The following CDC42BPA variants were observed in gnomAD, a reference collection of about 807,000 sequenced individuals.
The protein encoded by CDC42BPA is CDC42 binding protein kinase alpha.
A neutral mutation model predicts 223.5 loss-of-function variants in CDC42BPA; 80 were observed. That is an observed-to-expected ratio of 0.36 (90% confidence interval 0.30 to 0.43). The LOEUF (loss-of-function observed/expected upper bound fraction) is 0.43. CDC42BPA is among the 20% of genes least tolerant of loss of function. The probability of loss-of-function intolerance (pLI) is 1.00; values close to 1 mark genes in which losing one functional copy is unlikely to be tolerated. For synonymous variants in CDC42BPA, 694 were observed against 718.6 expected, an observed-to-expected ratio of 0.97 and a Z score of 0.55; for missense variants, 1,743 against 2,099.9, an observed-to-expected ratio of 0.83 and a Z score of 3.32.
At chr1:227,010,286 T>C (rs1425062858) in intron 34 of CDC42BPA, among the ~76,000 whole-genome samples, 10 of 152,232 alleles carry the variant, frequency 6.6e-5, no homozygotes, top group Admixed American at 5.9e-4. Context: ...TGGATCCTGG[T>C]TGGAATTACA....
At chr1:227,130,676 G>A (rs1047810724) in intron 10 of CDC42BPA, among the ~76,000 whole-genome samples, 3 of 152,088 alleles carry the variant, frequency 2.0e-5, no homozygotes, top group Non-Finnish European at 4.4e-5. Flanking sequence ...CCAACATGGT[G>A]AAACCCCGTC....
intron 1 of CDC42BPA, among the ~76,000 whole-genome samples, chr1:227,282,275 G>T (rs567842803): frequency 6.6e-6 from 1 of 151,832 alleles, no homozygotes; most frequent in Admixed American, 6.6e-5. Context: ...TATTCTTAGG[G>T]TGAGAACAGA....
At chr1:227,197,302 A>G (rs959650225) in intron 4 of CDC42BPA, among the ~76,000 whole-genome samples, 4 of 152,136 alleles carry the variant, frequency 2.6e-5, no homozygotes, top group Non-Finnish European at 4.4e-5. Flanking sequence ...ATAAATGTTC[A>G]AAAGGCAACC....
At chr1:227,161,023 T>A (rs978641591) in intron 5 of CDC42BPA, among the ~76,000 whole-genome samples, 2 of 152,106 alleles carry the variant, frequency 1.3e-5, no homozygotes, top group African/African-American at 4.8e-5. Flanking sequence ...CAGGGAAAAA[T>A]ATACTTTCTA....
chr1:227,220,173 G>A (rs1055940380), intron 2 of CDC42BPA, among the ~76,000 whole-genome samples: 6 of 151,606 alleles, frequency 4.0e-5, no homozygotes, highest in Non-Finnish European at 7.4e-5. Context: ...GGACAGTAGA[G>A]CAAATTTGGC....
intron 1 of CDC42BPA, among the ~76,000 whole-genome samples, chr1:227,309,203 CAAAAAA>C (rs35336462): frequency 7.7e-6 from 1 of 130,042 alleles, no homozygotes; most frequent in Non-Finnish European, 1.6e-5. Context: ...CTATCTCTAC[CAAAAAA>C]AAAAAAAAAA....
intron 23 of CDC42BPA, among the ~76,000 whole-genome samples, chr1:227,045,722 TTTAAC>T (rs1278894064): frequency 2.0e-5 from 3 of 152,004 alleles, no homozygotes; most frequent in African/African-American, 7.3e-5. Flanking sequence ...TCATATTTTC[TTTAAC>T]TTGAGACTTC....
chr1:227,107,268 A>C (rs1050366529), intron 14 of CDC42BPA, among the ~76,000 whole-genome samples: 4 of 152,152 alleles, frequency 2.6e-5, no homozygotes, highest in African/African-American at 9.7e-5. Context: ...ATGTGTCCCA[A>C]GGGATTTTAT....
At chr1:227,194,610 C>T (rs1670360786) in intron 4 of CDC42BPA, among the ~76,000 whole-genome samples, 1 of 152,134 alleles carries the variant, frequency 6.6e-6, no homozygotes, top group South Asian at 2.1e-4. Context: ...GAGAAGAGTA[C>T]ATCAAACTGT....
chr1:227,138,021 A>C (rs2149592651), intron 10 of CDC42BPA, among the ~76,000 whole-genome samples: 1 of 144,774 alleles, frequency 6.9e-6, no homozygotes, highest in East Asian at 2.1e-4. Flanking sequence ...GTGTATCACC[A>C]CAGGAAAAAA....
At chr1:227,072,379 A>T in intron 19 of CDC42BPA, 80 bp from the exon 20 acceptor site, 2 of 779,696 alleles carry the variant, frequency 2.6e-6, no homozygotes, top group Non-Finnish European at 2.2e-6. Context: ...AGCCAAACTT[A>T]CTTGGTTTAA....
intron 6 of CDC42BPA, among the ~76,000 whole-genome samples, chr1:227,148,008 T>C (rs1660997845): frequency 6.6e-6 from 1 of 152,084 alleles, no homozygotes; most frequent in Non-Finnish European, 1.5e-5. Flanking sequence ...AACTCCTTAA[T>C]AGAAACCTAA....
chr1:227,284,649 G>GT (rs1688529432), intron 1 of CDC42BPA, among the ~76,000 whole-genome samples: 2 of 152,130 alleles, frequency 1.3e-5, no homozygotes, highest in Non-Finnish European at 2.9e-5. Flanking sequence ...GGAAACCCAA[G>GT]TTCCCCTAAC....
At chr1:227,011,089 A>G in intron 34 of CDC42BPA, 1 of 1,261,008 alleles carries the variant, frequency 7.9e-7, no homozygotes, top group Non-Finnish European at 1.0e-6. Context: ...GAAAGATGAA[A>G]AAAGGCAATA....
chr1:227,016,917 A>C lies in CDC42BPA; in HGVS notation c.4739+10T>G. 1 of 1,608,544 alleles carries C rather than the reference A, an allele frequency of 6.2e-7. No homozygotes were observed. The highest frequency in any genetic ancestry group is 8.5e-7 in the Non-Finnish European group (1 of 1,177,336). ...GCAAGCATGGATGATACTACAGGTTAAGTATCTACCTCCTCTGCTGCATCC... is the reference window on the plus strand; with the variant it reads ...GCAAGCATGGATGATACTACAGGTTCAGTATCTACCTCCTCTGCTGCATCC... On this transcript the variant is annotated intron_variant, in intron 33 of 36. Coordinates refer to ENST00000366766, the MANE Select transcript of CDC42BPA (RefSeq NM_001394014.1).
chr1:227,041,787 G>A (rs190419041), intron 23 of CDC42BPA, among the ~76,000 whole-genome samples: 9 of 152,072 alleles, frequency 5.9e-5, no homozygotes, highest in Admixed American at 4.6e-4. Flanking sequence ...GCAGCACTAG[G>A]ATTTGACTCT....
Position 227,114,579 on chromosome 1 carries a change from G to A in CDC42BPA, c.1648-1666C>T, listed in dbSNP as rs566988156. 7.9e-5 allele frequency among the ~76,000 whole-genome samples: 12 copies of A among 152,116 alleles called. No individual in the cohort carries two copies. The East Asian group carries it at 2.1e-3, about 27-fold the overall frequency. ...ATTATACTATAAAAATGTTAACTTT[G>A]TACAGTAAACAAAAGATAACAGCTA... On this transcript the variant is annotated intron_variant, in intron 12 of 36. Coordinates refer to ENST00000366766, the MANE Select transcript of CDC42BPA (RefSeq NM_001394014.1).
chr1:227,152,239 T>A (rs1661917720), intron 6 of CDC42BPA, among the ~76,000 whole-genome samples: 1 of 152,172 alleles, frequency 6.6e-6, no homozygotes, highest in African/African-American at 2.4e-5. Flanking sequence ...ATTGCCGAAT[T>A]TATCTATTTT....
chr1:227,159,480 T>C (rs1400499579), intron 6 of CDC42BPA, among the ~76,000 whole-genome samples: 1 of 148,360 alleles, frequency 6.7e-6, no homozygotes, highest in Non-Finnish European at 1.5e-5. Context: ...AGACTTTGTC[T>C]AAAAAAAAAA....
Sources: gnomAD v4.1 joint callset for allele counts (sites outside exome capture counted in the v4.1 genomes callset) on GRCh38, gnomAD v4.1.1 for gene constraint, MANE v1.5 for transcripts, NCBI Gene and HGNC (gene_info 2026-07-23, HGNC 2026-07-21) for gene names.